Variants in TOX observed in about 807,000 individuals in gnomAD.
TOX encodes thymocyte selection associated high mobility group box.
A neutral mutation model predicts 53.7 loss-of-function variants in TOX; 11 were observed. The observed-to-expected ratio is 0.20, with a 90% CI of 0.13 to 0.34. TOX has a LOEUF of 0.34. Ranked by LOEUF, TOX falls within the 10% of genes least tolerant of loss-of-function variation. The pLI is 1.00. For synonymous variants in TOX, 225 were observed against 245.3 expected (o/e 0.92, Z 0.77); for missense variants, 570 against 664.6 (o/e 0.86, Z 1.56).
chr8:58,918,963 A>G (rs1812026070), intron 3 of TOX, among the ~76,000 whole-genome samples: 1 of 151,290 alleles, frequency 6.6e-6, no homozygotes, highest in South Asian at 2.1e-4. Flanking sequence ...CAATTGCTTC[A>G]AAGAGAATAA....
intron 1 of TOX, among the ~76,000 whole-genome samples, chr8:58,984,092 C>T (rs970619435): frequency 1.1e-4 from 16 of 151,986 alleles, no homozygotes; most frequent in African/African-American, 3.6e-4. Context: ...AAAAGCTTTA[C>T]GATATTGGAT....
At chr8:58,928,290 C>T (rs1380409830) in intron 3 of TOX, among the ~76,000 whole-genome samples, 1 of 152,220 alleles carries the variant, frequency 6.6e-6, no homozygotes, top group Non-Finnish European at 1.5e-5. Flanking sequence ...AAATCAGGAA[C>T]AAGGCTGCTT....
At chr8:58,958,660 TA>T (rs1394940456) in intron 2 of TOX, among the ~76,000 whole-genome samples, 1 of 152,214 alleles carries the variant, frequency 6.6e-6, no homozygotes, top group Non-Finnish European at 1.5e-5. Flanking sequence ...GGAAGAATTC[TA>T]AATGCAAAGC....
intron 2 of TOX, among the ~76,000 whole-genome samples, chr8:58,956,758 G>A (rs1812716005): frequency 6.6e-6 from 1 of 152,100 alleles, no homozygotes; most frequent in Non-Finnish European, 1.5e-5. Context: ...TGGGATTACA[G>A]GCACACACCA....
intron 2 of TOX, 135 bp from the exon 3 acceptor site, chr8:58,939,679 T>A (rs1399484260): frequency 8.0e-7 from 1 of 1,252,234 alleles, no homozygotes; most frequent in South Asian, 1.7e-5. Context: ...ACCTTCAGAT[T>A]ATCCTGCTGC....
Position 58,904,481 on chromosome 8 carries a change from C to G in TOX, c.411+34821G>C, listed in dbSNP as rs1811782337. On this transcript the variant is annotated intron_variant, in intron 3 of 8. Transcript: ENST00000361421. ...CCACAGCCTATGGGGATTCGAGAAC[C>G]ATTTCCACCTGTGGTTGAGCTCTGG... Among the ~76,000 whole-genome samples the G allele has an allele frequency of 2.6e-5, 4 of 152,106 alleles. No homozygotes were observed. In the South Asian group the frequency reaches 8.3e-4, roughly 32 times the overall value.
intron 7 of TOX, among the ~76,000 whole-genome samples, chr8:58,814,850 G>C (rs1006954447): frequency 2.0e-5 from 3 of 152,094 alleles, no homozygotes; most frequent in Admixed American, 6.5e-5. Context: ...GGACTTTCAG[G>C]GTTCTACCAG....
chr8:59,053,058 G>T (rs1803821667), intron 1 of TOX, among the ~76,000 whole-genome samples: 1 of 152,032 alleles, frequency 6.6e-6, no homozygotes, highest in African/African-American at 2.4e-5. Flanking sequence ...TATTTTCTGA[G>T]GATGCCCTTG....
At chr8:58,903,396 G>C (rs1328644898) in intron 3 of TOX, among the ~76,000 whole-genome samples, 2 of 152,122 alleles carry the variant, frequency 1.3e-5, no homozygotes, top group African/African-American at 4.8e-5. Context: ...TAAAGCTTCT[G>C]GACAAATTCC....
intron 1 of TOX, among the ~76,000 whole-genome samples, chr8:59,069,731 A>G (rs1000856394): frequency 6.6e-6 from 1 of 152,160 alleles, no homozygotes; most frequent in African/African-American, 2.4e-5. Context: ...AGAGGTCCAG[A>G]GAAGAAGAAG....
intron 1 of TOX, among the ~76,000 whole-genome samples, chr8:59,109,280 T>C (rs1404155770): frequency 2.0e-5 from 3 of 152,136 alleles, no homozygotes; most frequent in Non-Finnish European, 4.4e-5. Context: ...AGTCAATGAC[T>C]GTGGAAATGG....
At chr8:58,920,721 T>TA (rs5891703) in intron 3 of TOX, among the ~76,000 whole-genome samples, 58,412 of 81,146 alleles carry the variant, frequency 0.72, 20,679 homozygotes, top group East Asian at 0.84. Flanking sequence ...AAAAAAACAT[T>TA]AAAAAAAAAA....
intron 1 of TOX, among the ~76,000 whole-genome samples, chr8:58,996,402 G>T (rs1813561686): frequency 6.6e-6 from 1 of 152,094 alleles, no homozygotes; most frequent in Non-Finnish European, 1.5e-5. Context: ...AATCATCAAG[G>T]TTCCAATCCT....
chr8:58,876,475 A>G (rs964822804), intron 3 of TOX, among the ~76,000 whole-genome samples: 3 of 152,052 alleles, frequency 2.0e-5, no homozygotes, highest in Non-Finnish European at 4.4e-5. Flanking sequence ...GGGTGGGGGG[A>G]AAGGACAACT....
intron 2 of TOX, among the ~76,000 whole-genome samples, chr8:58,945,818 C>T (rs1198978426): frequency 2.0e-5 from 3 of 152,116 alleles, no homozygotes; most frequent in African/African-American, 7.2e-5. Context: ...CTCTTTTAAA[C>T]GTTGCCTTTT....
intron 1 of TOX, among the ~76,000 whole-genome samples, chr8:59,091,401 T>C (rs1426595000): frequency 6.6e-6 from 1 of 152,136 alleles, no homozygotes; most frequent in Non-Finnish European, 1.5e-5. Flanking sequence ...TCTATCCTGG[T>C]TCTGATTGTT....
chr8:58,845,357 G>GCATATC (rs1315675863), intron 4 of TOX, among the ~76,000 whole-genome samples: 1 of 152,042 alleles, frequency 6.6e-6, no homozygotes, highest in Non-Finnish European at 1.5e-5. Flanking sequence ...TAGAAACAGG[G>GCATATC]CATATAACAG....
chr8:58,847,312 G>A (rs1380738198), intron 4 of TOX, among the ~76,000 whole-genome samples: 2 of 152,028 alleles, frequency 1.3e-5, no homozygotes, highest in Non-Finnish European at 2.9e-5. Context: ...AAGAATAAAA[G>A]AGATTAAATA....
At chr8:59,114,981 G>A (rs564184387) in intron 1 of TOX, among the ~76,000 whole-genome samples, 1 of 152,182 alleles carries the variant, frequency 6.6e-6, no homozygotes, top group South Asian at 2.1e-4. Context: ...GTCCTTCCTT[G>A]TGCGTTTTTA....
Sources: allele counts gnomAD v4.1 joint callset (sites outside exome capture counted in the v4.1 genomes callset), GRCh38; gene constraint gnomAD v4.1.1; transcripts MANE v1.5; gene names NCBI Gene and HGNC (gene_info 2026-07-23, HGNC 2026-07-21).